PCDH9: variants seen among roughly 807,000 people sequenced by gnomAD.
PCDH9 encodes the protein protocadherin 9.
PCDH9 carries 24 observed loss-of-function variants against 70.6 expected under a neutral mutation model. The ratio of observed to expected loss-of-function variants is 0.34; its 90% CI spans 0.25 to 0.48. The LOEUF (loss-of-function observed/expected upper bound fraction) is 0.48. PCDH9 is among the 20% of genes least tolerant of loss of function. The pLI, the probability that PCDH9 is intolerant of heterozygous loss-of-function variation, is 0.99. For synonymous variants in PCDH9, 562 were observed against 558.5 expected, an observed-to-expected ratio of 1.01 and a Z score of -0.09; for missense variants, 1,281 against 1,503.6, an observed-to-expected ratio of 0.85 and a Z score of 2.45.
At chr13:67,202,439 T>A (rs536083277) in intron 2 of PCDH9, 26 of 152,204 alleles carry the variant, frequency 1.7e-4, no homozygotes, top group Non-Finnish European at 3.5e-4. Flanking sequence ...TATTACCACA[T>A]CTAAGAGCAC....
chr13:67,124,166 G>A (rs995220476), intron 2 of PCDH9, among the ~76,000 whole-genome samples: 1 of 152,100 alleles, frequency 6.6e-6, no homozygotes, highest in Non-Finnish European at 1.5e-5. Flanking sequence ...ATTGTCGAAG[G>A]AGTGTCATAG....
chr13:67,129,651 G>A (rs1482672314), intron 2 of PCDH9, among the ~76,000 whole-genome samples: 1 of 151,760 alleles, frequency 6.6e-6, no homozygotes, highest in African/African-American at 2.4e-5. Flanking sequence ...ATTTTAGCTA[G>A]AGGTAATCGT....
chr13:66,535,982 T>G (rs1960686116), intron 4 of PCDH9, among the ~76,000 whole-genome samples: 1 of 152,090 alleles, frequency 6.6e-6, no homozygotes, highest in African/African-American at 2.4e-5. Flanking sequence ...TTTGAATGAT[T>G]CTAGCTATAT....
At chr13:66,827,690 T>G (rs2080849818) in intron 3 of PCDH9, among the ~76,000 whole-genome samples, 1 of 152,138 alleles carries the variant, frequency 6.6e-6, no homozygotes, top group African/African-American at 2.4e-5. Context: ...ATGGATAAAC[T>G]TACACAAAGA....
At chr13:66,479,473 A>G (rs1349046493) in intron 4 of PCDH9, among the ~76,000 whole-genome samples, 1 of 152,216 alleles carries the variant, frequency 6.6e-6, no homozygotes, top group Non-Finnish European at 1.5e-5. Flanking sequence ...GAAAGGATTC[A>G]CCATTCTTGA....
At chr13:66,512,769 A>C (rs902017655) in intron 4 of PCDH9, among the ~76,000 whole-genome samples, 1 of 152,046 alleles carries the variant, frequency 6.6e-6, no homozygotes, top group African/African-American at 2.4e-5. Context: ...TAGCAAAAAG[A>C]CACATGGACT....
At chr13:66,429,549 A>C (rs1178804970) in intron 4 of PCDH9, among the ~76,000 whole-genome samples, 1 of 151,796 alleles carries the variant, frequency 6.6e-6, no homozygotes, top group Non-Finnish European at 1.5e-5. Flanking sequence ...TGGAGGATAC[A>C]AAATACTGAG....
At chr13:66,554,644 G>T (rs1369893952) in intron 4 of PCDH9, among the ~76,000 whole-genome samples, 3 of 152,098 alleles carry the variant, frequency 2.0e-5, no homozygotes, top group Non-Finnish European at 2.9e-5. Flanking sequence ...TTGCTTCCAT[G>T]TAAGATTTTA....
chr13:67,013,150 T>C (rs2084485815), intron 2 of PCDH9, among the ~76,000 whole-genome samples: 1 of 151,840 alleles, frequency 6.6e-6, no homozygotes, highest in Non-Finnish European at 1.5e-5. Context: ...TCTAGGTGAA[T>C]GTATTGGAAA....
In PCDH9 at chr13:67,228,226, T is replaced by A; in HGVS notation, c.215A>T (p.Asp72Val). ...GCTGGAAACTTTCACCAAAGGGGCATCCCCAGCTTTAGAAACCAGTCTGTA... is the reference window on the plus strand; with the variant it reads ...GCTGGAAACTTTCACCAAAGGGGCAACCCCAGCTTTAGAAACCAGTCTGTA... ...LVYRLVSKAG[D>V]APLVKVSSST... The change falls in exon 2 of 5, where the codon GAT becomes GTT. Residue 72 changes from aspartate (D) to valine (V), a missense_variant. By Grantham distance (152) the Asp-to-Val change is radical. Transcript: ENST00000377865. 1 of 1,612,564 alleles carries A rather than the reference T, an allele frequency of 6.2e-7. No homozygotes were observed. Among genetic ancestry groups the A allele is most frequent in the Non-Finnish European group, 8.5e-7 (1 of 1,179,288 alleles).
chr13:67,158,764 T>G (rs1311660145), intron 2 of PCDH9, among the ~76,000 whole-genome samples: 1 of 152,210 alleles, frequency 6.6e-6, no homozygotes, highest in Admixed American at 6.5e-5. Flanking sequence ...AATAAATTGG[T>G]TTTGTTACAG....
rs559998500 is a variant in PCDH9 at position 66,520,161 on chromosome 13, C to A, written c.3340+111049G>T. Among the ~76,000 whole-genome samples, 5 of 152,202 alleles carry A rather than the reference C, an allele frequency of 3.3e-5. No individual in the cohort carries two copies. The East Asian group carries it at 5.8e-4, about 18-fold the overall frequency. ...GTCCTTTCCCTACCTTCAATACTAT[C>A]ATTTATTTTTAGCATCTTTTGTTTT... On this transcript the variant is annotated intron_variant, in intron 4 of 4. Coordinates refer to ENST00000377865, the MANE Select transcript of PCDH9 (RefSeq NM_203487.3).
At chr13:66,613,525 G>A (rs1369959745) in intron 4 of PCDH9, among the ~76,000 whole-genome samples, 11 of 151,940 alleles carry the variant, frequency 7.2e-5, no homozygotes. Flanking sequence ...AATCTGGTGT[G>A]CTTTGCATGT....
intron 2 of PCDH9, among the ~76,000 whole-genome samples, chr13:66,942,195 A>G (rs544755125): frequency 3.9e-5 from 6 of 152,052 alleles, no homozygotes; most frequent in African/African-American, 7.2e-5. Flanking sequence ...TATACCAGAA[A>G]ATATTCCTGT....
chr13:66,500,779 C>T (rs1276264405), intron 4 of PCDH9, among the ~76,000 whole-genome samples: 2 of 152,060 alleles, frequency 1.3e-5, no homozygotes, highest in Admixed American at 6.6e-5. Flanking sequence ...TTATTTCTAT[C>T]ATCTACATTT....
At chr13:66,825,315 T>C (rs1290337215) in intron 3 of PCDH9, 4 of 148,466 alleles carry the variant, frequency 2.7e-5, no homozygotes, top group Non-Finnish European at 5.9e-5. Context: ...TTAACACTAA[T>C]AGCATAGTGT....
At chr13:66,851,559 C>A (rs2081314374) in intron 3 of PCDH9, among the ~76,000 whole-genome samples, 1 of 145,238 alleles carries the variant, frequency 6.9e-6, no homozygotes, top group African/African-American at 2.6e-5. Context: ...CTATGTAACA[C>A]CCACCCGCAT....
chr13:67,137,154 T>G (rs2087252991), intron 2 of PCDH9, among the ~76,000 whole-genome samples: 1 of 152,068 alleles, frequency 6.6e-6, no homozygotes, highest in Non-Finnish European at 1.5e-5. Flanking sequence ...CTATATTTAT[T>G]TATCCTGCAG....
At chr13:67,130,552 C>G (rs781614233) in intron 2 of PCDH9, among the ~76,000 whole-genome samples, 2 of 151,956 alleles carry the variant, frequency 1.3e-5, no homozygotes, top group African/African-American at 4.8e-5. Context: ...AACACCCTGC[C>G]TAACCACCTG....
Sources: gnomAD v4.1 joint callset for allele counts (sites outside exome capture counted in the v4.1 genomes callset) on GRCh38, gnomAD v4.1.1 for gene constraint, MANE v1.5 for transcripts, NCBI Gene and HGNC (gene_info 2026-07-23, HGNC 2026-07-21) for gene names.